Variants in PLAA observed in about 807,000 individuals in gnomAD.
PLAA encodes phospholipase A-2-activating protein.
In PLAA, 48 loss-of-function variants were observed where a neutral mutation model predicts 84.1. The ratio of observed to expected loss-of-function variants is 0.57; its 90% CI spans 0.45 to 0.73. The LOEUF is 0.73. Among genes scored for constraint, PLAA ranks in the 30% least tolerant of loss-of-function variants. The pLI is 0.00. For synonymous variants in PLAA, 392 were observed against 336.6 expected, an observed-to-expected ratio of 1.16 and a Z score of -1.80; for missense variants, 903 against 954.7, an observed-to-expected ratio of 0.95 and a Z score of 0.71.
chr9:26,914,361 A>G (rs1412053601), intron 10 of PLAA, among the ~76,000 whole-genome samples: 1 of 152,194 alleles, frequency 6.6e-6, no homozygotes, highest in African/African-American at 2.4e-5. Flanking sequence ...TATAGATAAT[A>G]CTTGTGGCTG....
chr9:26,910,224 A>C (rs186506988), intron 12 of PLAA, 114 bp downstream of exon 12: 1 of 672,528 alleles, frequency 1.5e-6, no homozygotes, highest in Admixed American at 2.3e-5. Context: ...CTGCAATAGA[A>C]ATATCTATTC....
At chr9:26,908,444 G>A (rs1320960981) in intron 12 of PLAA, among the ~76,000 whole-genome samples, 2 of 150,930 alleles carry the variant, frequency 1.3e-5, no homozygotes, top group Non-Finnish European at 2.9e-5. Context: ...GTGATTACAG[G>A]TGTGAGCCAC....
At chr9:26,906,761 A>G (rs1824250187) in intron 13 of PLAA, among the ~76,000 whole-genome samples, 1 of 152,102 alleles carries the variant, frequency 6.6e-6, no homozygotes, top group South Asian at 2.1e-4. Flanking sequence ...CCAGTTAACA[A>G]GTGATAGGAT....
chr9:26,918,246 G>T (rs1488822068), intron 9 of PLAA, among the ~76,000 whole-genome samples: 1 of 151,240 alleles, frequency 6.6e-6, no homozygotes, highest in Non-Finnish European at 1.5e-5. Flanking sequence ...CAAGGAGCTG[G>T]GATTACAGGC....
At chr9:26,926,347 A>T in intron 5 of PLAA, 46 bp downstream of exon 5, 1 of 1,296,584 alleles carries the variant, frequency 7.7e-7, no homozygotes, top group Non-Finnish European at 1.1e-6. Flanking sequence ...GGGATGGAAT[A>T]ATGCTCAATA....
Position 26,923,379 on chromosome 9 carries a change from C to T in PLAA, c.870-32G>A, listed in dbSNP as rs374191533. On this transcript the variant is annotated intron_variant, in intron 6 of 13. Coordinates refer to ENST00000397292, the MANE Select transcript of PLAA (RefSeq NM_001031689.3). ...GGAAAAATAAACTGATTTTAGAAGT[C>T]ATTGCCATAATACATTAACATTATC... 3.0e-5 allele frequency: 45 copies of T among 1,489,150 alleles called. No individual in the cohort carries two copies. The African/African-American group carries it at 6.0e-4, about 20-fold the overall frequency. The allele number at this position is 1,489,150 out of a possible 1,614,324, so 92.2% of individuals were successfully genotyped here.
At chr9:26,909,229 T>C (rs1449976676) in intron 12 of PLAA, among the ~76,000 whole-genome samples, 1 of 152,188 alleles carries the variant, frequency 6.6e-6, no homozygotes, top group East Asian at 1.9e-4. Flanking sequence ...CTAGGGCCTG[T>C]TTCACTAATC....
intron 1 of PLAA, among the ~76,000 whole-genome samples, chr9:26,938,189 T>C (rs568937317): frequency 6.6e-6 from 1 of 152,200 alleles, no homozygotes. Context: ...CTCAATAATA[T>C]AATTAGTAGA....
intron 2 of PLAA, among the ~76,000 whole-genome samples, chr9:26,930,182 G>A (rs1396829039): frequency 1.3e-5 from 2 of 149,952 alleles, no homozygotes; most frequent in Non-Finnish European, 3.0e-5. Flanking sequence ...TCGGCTCACC[G>A]CAAGCTCTGC....
chr9:26,931,344 G>C (rs1019506941), intron 2 of PLAA, among the ~76,000 whole-genome samples: 14 of 152,048 alleles, frequency 9.2e-5, no homozygotes, highest in African/African-American at 3.4e-4. Flanking sequence ...TAGAATTACA[G>C]TACAATCATT....
intron 7 of PLAA, among the ~76,000 whole-genome samples, chr9:26,921,663 C>T (rs549322486): frequency 1.3e-5 from 2 of 152,340 alleles, no homozygotes; most frequent in Non-Finnish European, 2.9e-5. Context: ...ATTTTTCATG[C>T]TCTATTATAC....
At chr9:26,946,831 TCACTCTCCTTC>T in intron 1 of PLAA, 55 bp downstream of exon 1, 1 of 1,467,606 alleles carries the variant, frequency 6.8e-7, no homozygotes, top group East Asian at 2.6e-5. Context: ...CAGGGAAGGG[TCACTCTCCTTC>T]CACTCTCCGG....
intron 9 of PLAA, among the ~76,000 whole-genome samples, 164 bp from the exon 10 acceptor site, chr9:26,917,329 G>GA (rs1479338036): frequency 6.6e-5 from 10 of 152,110 alleles, no homozygotes; most frequent in African/African-American, 9.7e-5. Flanking sequence ...TTATAACTGG[G>GA]AAAAAACTGA....
At chr9:26,921,095 T>C (rs1021903405) in intron 7 of PLAA, among the ~76,000 whole-genome samples, 1 of 152,184 alleles carries the variant, frequency 6.6e-6, no homozygotes, top group Non-Finnish European at 1.5e-5. Flanking sequence ...CTATCCTACA[T>C]GACCTTACTT....
Position 26,907,773 on chromosome 9 carries a change from G to T in PLAA, c.1822+61C>A, listed in dbSNP as rs902556920. The T allele has an allele frequency of 2.9e-6, 4 of 1,363,998 alleles. No homozygotes were observed. In the African/African-American group the frequency reaches 4.4e-5, roughly 15 times the overall value. The allele number at this position is 1,363,998 out of a possible 1,614,324, so 84.5% of individuals were successfully genotyped here. ...TTAATCCACAAATACCAGTAATATT[G>T]ATAGAAATGAAGATAAAACTTCTTG... is the stretch of plus-strand genomic sequence containing the variant. On this transcript the variant is annotated intron_variant, in intron 13 of 13. Transcript: ENST00000397292.
intron 7 of PLAA, 65 bp downstream of exon 7, chr9:26,923,113 T>C: frequency 8.6e-7 from 1 of 1,161,630 alleles, no homozygotes; most frequent in Non-Finnish European, 1.2e-6. Flanking sequence ...CATTTATTTT[T>C]CTTCTAATTG....
chr9:26,932,876 T>C (rs1257838627), intron 2 of PLAA, among the ~76,000 whole-genome samples: 1 of 152,172 alleles, frequency 6.6e-6, no homozygotes, highest in Admixed American at 6.5e-5. Flanking sequence ...GGCTCATGCC[T>C]ATAAACCCAG....
rs145617382 is a variant in PLAA, at chr9:26,920,070, T to TA, written c.1197+156dup. Reference sequence around the variant, plus strand: ...ACTACATGGAAAGATACTTTTAAAATATCTATTTCAAGACAGGGAAAAAAA... The same window carrying TA: ...ACTACATGGAAAGATACTTTTAAAATAATCTATTTCAAGACAGGGAAAAAAA... On this transcript the variant is annotated intron_variant, in intron 8 of 13. Transcript: ENST00000397292. Among the ~76,000 whole-genome samples the TA allele has an allele frequency of 5.7e-3, 867 of 152,238 alleles. 10 individuals are homozygous for TA. The highest frequency in any genetic ancestry group is 0.02 in the African/African-American group (814 of 41,532).
chr9:26,942,255 T>C (rs188676224), intron 1 of PLAA, among the ~76,000 whole-genome samples: 11 of 152,324 alleles, frequency 7.2e-5, no homozygotes, highest in Admixed American at 6.5e-4. Flanking sequence ...AGCTAAAGGA[T>C]ACTGACAATA....
Sources: gnomAD v4.1 joint callset for allele counts (sites outside exome capture counted in the v4.1 genomes callset) on GRCh38, gnomAD v4.1.1 for gene constraint, MANE v1.5 for transcripts, NCBI Gene and HGNC (gene_info 2026-07-23, HGNC 2026-07-21) for gene names.